TNNI3K: variants seen among roughly 807,000 people sequenced by gnomAD.
TNNI3K encodes TNNI3 interacting kinase.
In TNNI3K, 140 loss-of-function variants were observed where a neutral mutation model predicts 114.5. That is an observed-to-expected ratio of 1.22 (90% confidence interval 1.07 to 1.41). TNNI3K has a LOEUF of 1.41. TNNI3K is among the 40% of genes most tolerant of loss of function. The probability of loss-of-function intolerance (pLI) is 0.00; values close to 1 mark genes in which losing one functional copy is unlikely to be tolerated. For missense variants in TNNI3K, 1,125 were observed against 1,007.6 expected, an observed-to-expected ratio of 1.12 and a Z score of -1.58; for synonymous variants, 347 against 347.5, an observed-to-expected ratio of 1.00 and a Z score of 0.02.
At chr1:74,340,699 T>C (rs1264251810) in intron 7 of TNNI3K, among the ~76,000 whole-genome samples, 5 of 152,204 alleles carry the variant, frequency 3.3e-5, no homozygotes, top group Admixed American at 3.3e-4. Flanking sequence ...AAGATTGCAC[T>C]GCATTCTGCT....
chr1:74,247,031 A>C (rs905310451), intron 2 of TNNI3K, among the ~76,000 whole-genome samples: 1 of 152,182 alleles, frequency 6.6e-6, no homozygotes, highest in Non-Finnish European at 1.5e-5. Flanking sequence ...ATATGTGACA[A>C]TATGCATGAC....
chr1:74,275,123 G>T (rs1027643842), intron 5 of TNNI3K, among the ~76,000 whole-genome samples: 2 of 151,932 alleles, frequency 1.3e-5, no homozygotes. Flanking sequence ...GTTCAGTGAG[G>T]ATAGAGATTG....
At chr1:74,316,668 A>AT (rs931140583) in intron 5 of TNNI3K, among the ~76,000 whole-genome samples, 36 of 148,236 alleles carry the variant, frequency 2.4e-4, no homozygotes, top group Admixed American at 5.4e-4. Context: ...CTCTTTTATT[A>AT]TTTTTTTTTT....
intron 17 of TNNI3K, among the ~76,000 whole-genome samples, chr1:74,391,629 C>T (rs188601136): frequency 2.0e-5 from 3 of 152,210 alleles, no homozygotes; most frequent in Non-Finnish European, 4.4e-5. Flanking sequence ...CAAATCTAAG[C>T]TCAGAAAGAG....
chr1:74,373,744 C>G (rs1662731507), intron 17 of TNNI3K: 1 of 151,758 alleles, frequency 6.6e-6, no homozygotes, highest in Non-Finnish European at 1.5e-5. Flanking sequence ...ATGTTTGAGC[C>G]CACGGGATGG....
chr1:74,477,198 C>T (rs1668247914), intron 21 of TNNI3K, among the ~76,000 whole-genome samples: 1 of 152,094 alleles, frequency 6.6e-6, no homozygotes, highest in Non-Finnish European at 1.5e-5. Flanking sequence ...TAGAACCACT[C>T]TTTAACTCAT....
At chr1:74,282,407 A>T (rs540990) in intron 5 of TNNI3K, among the ~76,000 whole-genome samples, 150,761 of 152,126 alleles carry the variant, frequency 0.99, 74,723 homozygotes, top group Middle Eastern at 1. Context: ...TGGTTTGCAG[A>T]TGCATTCGCT....
chr1:74,304,104 C>T (rs1658484489), intron 5 of TNNI3K, among the ~76,000 whole-genome samples: 1 of 152,130 alleles, frequency 6.6e-6, no homozygotes, highest in Non-Finnish European at 1.5e-5. Context: ...GCTGAATTGA[C>T]AAGAGATTCA....
At chr1:74,295,214 G>T (rs1160538090) in intron 5 of TNNI3K, among the ~76,000 whole-genome samples, 1 of 151,672 alleles carries the variant, frequency 6.6e-6, no homozygotes, top group East Asian at 1.9e-4. Context: ...ATTGCATTAT[G>T]CTCAGAAATT....
rs1404587673 is a variant in TNNI3K at position 74,369,186 on chromosome 1, ATTTAT to A, written c.1415-16_1415-12del. The A allele has an allele frequency of 2.0e-5, 32 of 1,604,344 alleles. No individual in the cohort carries two copies. The highest frequency in any genetic ancestry group is 2.6e-5 in the Non-Finnish European group (30 of 1,176,080). Reference sequence around the variant, plus strand: ...AGCTTAAGTTAATATGTGTTTATTTATTTATTTTAAACAATTGTAGGTTCTTTTGG... The same window carrying A: ...AGCTTAAGTTAATATGTGTTTATTTATTTAAACAATTGTAGGTTCTTTTGG... On this transcript the variant is annotated splice_polypyrimidine_tract_variant and intron_variant, in intron 14 of 24. Coordinates refer to ENST00000326637, the MANE Select transcript of TNNI3K (RefSeq NM_015978.3).
intron 21 of TNNI3K, chr1:74,464,929 C>T: frequency 8.0e-7 from 1 of 1,252,962 alleles, no homozygotes; most frequent in Non-Finnish European, 1.0e-6. Flanking sequence ...ACCAGTATTG[C>T]CTATCAGTGC....
chr1:74,470,811 A>G (rs1667890061), intron 21 of TNNI3K: 1 of 400,546 alleles, frequency 2.5e-6, no homozygotes, highest in African/African-American at 2.1e-5. Context: ...TGTAGCTGTC[A>G]GTCTTGTGAG....
chr1:74,236,841 G>A (rs1303890565), intron 2 of TNNI3K, among the ~76,000 whole-genome samples: 1 of 151,738 alleles, frequency 6.6e-6, no homozygotes, highest in Non-Finnish European at 1.5e-5. Flanking sequence ...TACACAAAAA[G>A]CCTTCTGGTT....
At chr1:74,300,903 G>A (rs1422906077) in intron 5 of TNNI3K, among the ~76,000 whole-genome samples, 1 of 152,052 alleles carries the variant, frequency 6.6e-6, no homozygotes, top group Non-Finnish European at 1.5e-5. Context: ...GGATTGACTT[G>A]TTATGTTGTT....
chr1:74,484,357 A>G lies in TNNI3K; in HGVS notation c.2122-4832A>G, dbSNP rs948660496. Among the ~76,000 whole-genome samples the G allele has an allele frequency of 1.1e-4, 17 of 152,322 alleles. No individual in the cohort carries two copies. In the South Asian group the frequency reaches 3.3e-3, roughly 30 times the overall value. ...CAAGCATTTGTAGATCACCTTCTGC[A>G]TGCTAGGCACTGCTCACAGTACTGG... On this transcript the variant is annotated intron_variant, in intron 21 of 24. Transcript: ENST00000326637.
In TNNI3K at chr1:74,463,443, G is replaced by T. The variant is rs375183806; in HGVS notation, c.2014G>T (p.Ala672Ser). Reference protein sequence around the residue: ...EIPFAHLKPAAAAADMAYHHI... With the variant: ...EIPFAHLKPASAAADMAYHHI... Reference sequence around the variant, plus strand: ...TGACATGACCATTTGGTTTGCAGCGGCTGCGGCAGCAGACATGGCTTACCA... The same window carrying T: ...TGACATGACCATTTGGTTTGCAGCGTCTGCGGCAGCAGACATGGCTTACCA... Residue 672 changes from alanine to serine, a missense_variant and splice_region_variant, in exon 21 of 25, where the codon GCT (alanine) becomes TCT (serine). Ala to Ser is a moderately conservative substitution (Grantham distance 99). Coordinates refer to ENST00000326637, the MANE Select transcript of TNNI3K (RefSeq NM_015978.3). The T allele has an allele frequency of 2.5e-6, 4 of 1,614,156 alleles. No individual in the cohort carries two copies. The highest frequency in any genetic ancestry group is 3.4e-6 in the Non-Finnish European group (4 of 1,180,026).
intron 20 of TNNI3K, among the ~76,000 whole-genome samples, chr1:74,444,058 G>A (rs1666512934): frequency 6.6e-6 from 1 of 152,164 alleles, no homozygotes. Context: ...ATATCATACT[G>A]AATGGGCAAA....
rs1228680116 is a variant in TNNI3K, at chr1:74,313,178, G to A, written c.445-18272G>A. The stretch of plus-strand genomic sequence containing the variant: ...TCCTAAGATGCAAAATTCAATACAG[G>A]CATTATCTCTTTGGGGGACTCACTT... On this transcript the variant is annotated intron_variant, in intron 5 of 24. Transcript: ENST00000326637. Among the ~76,000 whole-genome samples the A allele has an allele frequency of 2.0e-5, 3 of 152,060 alleles. No individual in the cohort carries two copies. In the East Asian group the frequency reaches 5.8e-4, roughly 29 times the overall value.
intron 17 of TNNI3K, among the ~76,000 whole-genome samples, chr1:74,406,553 CAGCTCCA>C: frequency 6.6e-6 from 1 of 152,298 alleles, no homozygotes; most frequent in East Asian, 1.9e-4. Context: ...CTTCTGCCTT[CAGCTCCA>C]GAAAGTTCTA....
Sources: allele counts gnomAD v4.1 joint callset (sites outside exome capture counted in the v4.1 genomes callset), GRCh38; gene constraint gnomAD v4.1.1; transcripts MANE v1.5; gene names NCBI Gene and HGNC (gene_info 2026-07-23, HGNC 2026-07-21).